The following PDXDC1 variants were observed in gnomAD, a reference collection of about 807,000 sequenced individuals.
PDXDC1 encodes pyridoxal dependent decarboxylase domain containing 1.
PDXDC1 carries 42 observed loss-of-function variants against 100.1 expected under a neutral mutation model. That is an observed-to-expected ratio of 0.42 (90% CI 0.33 to 0.54). The LOEUF is 0.54. Among genes scored for constraint, PDXDC1 ranks in the 20% least tolerant of loss-of-function variants. The probability of loss-of-function intolerance (pLI) is 0.10; values close to 1 mark genes in which losing one functional copy is unlikely to be tolerated. For missense variants in PDXDC1, 636 were observed against 979.2 expected (o/e 0.65, Z 4.68); for synonymous variants, 260 against 371.7 (o/e 0.70, Z 3.46).
At chr16:15,131,574 G>T in intron 16 of PDXDC1, 1 of 1,607,924 alleles carries the variant, frequency 6.2e-7, no homozygotes, top group South Asian at 1.1e-5. Context: ...GCACGCGGGA[G>T]CGCGTGAGGA....
chr16:15,040,164 G>A, downstream of PDXDC1: 1 of 672,016 alleles, frequency 1.5e-6, no homozygotes, highest in South Asian at 1.9e-5. Flanking sequence ...GAGAAAGATA[G>A]GAAAGTGAAC....
the PDXDC1 span, among the ~76,000 whole-genome samples, chr16:15,144,825 G>C: frequency 2.6e-5 from 4 of 152,164 alleles, no homozygotes; most frequent in Non-Finnish European, 5.9e-5. Flanking sequence ...AGCTCAAAAA[G>C]GGCCGTTTGG....
At chr16:15,130,927 T>A in intron 16 of PDXDC1, 2 of 702,854 alleles carry the variant, frequency 2.8e-6, no homozygotes, top group Non-Finnish European at 2.5e-6. Flanking sequence ...AGCTGGCACC[T>A]GCTTCTCCGT....
At chr16:15,089,230 G>A (rs1401965115) in intron 16 of PDXDC1, among the ~76,000 whole-genome samples, 1 of 152,054 alleles carries the variant, frequency 6.6e-6, no homozygotes, top group Non-Finnish European at 1.5e-5. Context: ...GGCAGAGGTT[G>A]CAGTGAGCCA....
At chr16:14,998,726 A>T (rs1469923388) in intron 3 of PDXDC1, among the ~76,000 whole-genome samples, 1 of 152,290 alleles carries the variant, frequency 6.6e-6, no homozygotes, top group Admixed American at 6.5e-5. Context: ...AAGTGCTGGG[A>T]TTACAGGTGT....
chr16:15,063,638 G>A (rs1445236980), intron 16 of PDXDC1, among the ~76,000 whole-genome samples: 1 of 145,572 alleles, frequency 6.9e-6, no homozygotes, highest in Non-Finnish European at 1.5e-5. Flanking sequence ...CTGGGAGACG[G>A]AGCTTGCAGC....
intron 21 of PDXDC1, 150 bp from the exon 22 acceptor site, chr16:15,035,299 A>G: frequency 2.0e-6 from 1 of 504,244 alleles, no homozygotes; most frequent in South Asian, 3.3e-5. Flanking sequence ...AGCTCACGGC[A>G]CATTCATAAG....
intron 16 of PDXDC1, among the ~76,000 whole-genome samples, chr16:15,058,292 CAAAAAA>C (rs201277951): frequency 6.9e-6 from 1 of 144,558 alleles, no homozygotes; most frequent in Non-Finnish European, 1.5e-5. Context: ...AAGACCGTCT[CAAAAAA>C]AAAAGAAAAA....
In PDXDC1 at chr16:15,033,046, G is replaced by A. The variant is rs58068034; in HGVS notation, c.1690+67G>A. ...ACACTTGGTAACCGGCTTTGAAGACGACGGCTCATCCCTTAGCGGGCTAGC... is the reference window on the plus strand; with the variant it reads ...ACACTTGGTAACCGGCTTTGAAGACAACGGCTCATCCCTTAGCGGGCTAGC... On this transcript the variant is annotated intron_variant, in intron 18 of 22. Transcript: ENST00000396410. The A allele has an allele frequency of 2.5e-5, 27 of 1,100,824 alleles. No individual in the cohort carries two copies. The East Asian group carries it at 3.3e-4, about 13-fold the overall frequency. The allele number at this position is 1,100,824 out of a possible 1,614,324, so 68.2% of individuals were successfully genotyped here.
chr16:15,080,180 C>G, intron 16 of PDXDC1: 1 of 1,466,388 alleles, frequency 6.8e-7, no homozygotes, highest in Non-Finnish European at 9.0e-7. Context: ...ATTACATGAC[C>G]TTTAGTTTCA....
chr16:15,104,895 G>T, intron 16 of PDXDC1: 2 of 1,532,030 alleles, frequency 1.3e-6, no homozygotes, highest in Non-Finnish European at 1.7e-6. Flanking sequence ...CAAAATAGCA[G>T]TATCAGTGTC....
chr16:15,015,424 A>G (rs1220543866), intron 8 of PDXDC1, among the ~76,000 whole-genome samples: 1 of 152,198 alleles, frequency 6.6e-6, no homozygotes, highest in African/African-American at 2.4e-5. Context: ...AAAAGAAATA[A>G]CAGTTATACC....
chr16:15,048,344 A>C (rs2044162355), intron 16 of PDXDC1, among the ~76,000 whole-genome samples: 1 of 152,308 alleles, frequency 6.6e-6, no homozygotes, highest in Admixed American at 6.5e-5. Context: ...ATAGTAACCT[A>C]TGAAATGAGA....
In PDXDC1 at chr16:15,036,003, G is replaced by A. The variant is rs2043421329; in HGVS notation, c.2108-13G>A. 2 of 1,605,572 alleles carry A rather than the reference G, an allele frequency of 1.2e-6. No homozygotes were observed. The highest frequency in any genetic ancestry group is 8.5e-7 in the Non-Finnish European group (1 of 1,175,738). On this transcript the variant is annotated splice_polypyrimidine_tract_variant and intron_variant, in intron 22 of 22. Coordinates refer to ENST00000396410, the MANE Select transcript of PDXDC1 (RefSeq NM_015027.4). ...CACTGAGTTTCAGCGCAGTCTGTCT[G>A]CCCTTTCTGTAGGCCAGAAGCCTTT...
At chr16:15,083,169 G>C (rs2151807308) in intron 16 of PDXDC1, among the ~76,000 whole-genome samples, 1 of 152,330 alleles carries the variant, frequency 6.6e-6, no homozygotes, top group Middle Eastern at 3.4e-3. Context: ...GGGAGGCCGA[G>C]GCAGGCAGAT....
At chr16:15,025,597 G>A (rs1461928876) in intron 13 of PDXDC1, 1 of 152,500 alleles carries the variant, frequency 6.6e-6, no homozygotes, top group East Asian at 1.9e-4. Context: ...AAAGTTAGTA[G>A]AAAAGATCTT....
chr16:14,994,531 T>G (rs1024013279), intron 1 of PDXDC1, among the ~76,000 whole-genome samples: 2 of 152,298 alleles, frequency 1.3e-5, no homozygotes, highest in African/African-American at 4.8e-5. Context: ...CATGCTGTTT[T>G]GGTTACTGTA....
intron 12 of PDXDC1, among the ~76,000 whole-genome samples, chr16:15,020,845 ATGG>A (rs1434855273): frequency 6.6e-6 from 1 of 152,124 alleles, no homozygotes; most frequent in African/African-American, 2.4e-5. Flanking sequence ...TTAGCCAGGT[ATGG>A]TGGCAGGCGC....
chr16:15,133,441 T>A, intron 16 of PDXDC1: 1 of 976,696 alleles, frequency 1.0e-6, no homozygotes, highest in Non-Finnish European at 1.6e-6. Context: ...CAGAGGGGGG[T>A]GGTGAGCAGG....
Sources: gnomAD v4.1 joint callset for allele counts (sites outside exome capture counted in the v4.1 genomes callset) on GRCh38, gnomAD v4.1.1 for gene constraint, MANE v1.5 for transcripts, NCBI Gene and HGNC (gene_info 2026-07-23, HGNC 2026-07-21) for gene names.